CKAP5: variants seen among roughly 807,000 people sequenced by gnomAD.
CKAP5 encodes cytoskeleton associated protein 5.
In CKAP5, 27 loss-of-function variants were observed where a neutral mutation model predicts 232.8. The observed-to-expected ratio is 0.12, with a 90% confidence interval of 0.09 to 0.16. The LOEUF (loss-of-function observed/expected upper bound fraction) is 0.16, where lower values mean the gene tolerates loss of function less well. Ranked by LOEUF, CKAP5 falls within the 10% of genes least tolerant of loss-of-function variation. CKAP5 has a pLI of 1.00. For synonymous variants in CKAP5, 785 were observed against 841.1 expected, an observed-to-expected ratio of 0.93 and a Z score of 1.16; for missense variants, 1,838 against 2,424.7, an observed-to-expected ratio of 0.76 and a Z score of 5.08.
intron 26 of CKAP5, among the ~76,000 whole-genome samples, chr11:46,768,114 T>C (rs1002570786): frequency 3.3e-5 from 5 of 152,164 alleles, no homozygotes; most frequent in African/African-American, 1.2e-4. Flanking sequence ...TTTTTCCTAA[T>C]AATTTTTCTC....
intron 28 of CKAP5, 89 bp from the exon 29 acceptor site, chr11:46,763,719 A>G (rs1319422473): frequency 1.7e-5 from 13 of 779,240 alleles, no homozygotes; most frequent in Non-Finnish European, 2.4e-5. Flanking sequence ...CAGGAACAAT[A>G]AAATATTTAA....
intron 23 of CKAP5, among the ~76,000 whole-genome samples, chr11:46,776,739 T>G (rs1245764161): frequency 6.6e-6 from 1 of 152,178 alleles, no homozygotes; most frequent in African/African-American, 2.4e-5. Flanking sequence ...ATTCTAAATG[T>G]TAAAGACATC....
chr11:46,823,747 AG>A (rs1463645876), intron 1 of CKAP5, among the ~76,000 whole-genome samples: 1 of 152,082 alleles, frequency 6.6e-6, no homozygotes, highest in Non-Finnish European at 1.5e-5. Flanking sequence ...TAGCCTCCCA[AG>A]GAGCTGGGAC....
chr11:46,758,261 C>T (rs768565043), intron 35 of CKAP5, among the ~76,000 whole-genome samples: 9 of 152,124 alleles, frequency 5.9e-5, no homozygotes, highest in Non-Finnish European at 1.0e-4. Context: ...CATTTCTGCC[C>T]TAAGGCCTTT....
intron 8 of CKAP5, among the ~76,000 whole-genome samples, chr11:46,806,164 A>G (rs923576698): frequency 3.3e-5 from 5 of 152,194 alleles, no homozygotes; most frequent in Non-Finnish European, 5.9e-5. Context: ...ATCTCTCAGA[A>G]ATCTATTGTC....
intron 33 of CKAP5, among the ~76,000 whole-genome samples, chr11:46,760,113 T>A (rs2065142391): frequency 1.3e-5 from 2 of 152,218 alleles, no homozygotes; most frequent in Admixed American, 1.3e-4. Flanking sequence ...TTAATTAGCC[T>A]TATCTCAAGA....
At position 46,770,882 on chromosome 11, in the gene CKAP5, T is replaced by G. The variant is rs770640343; in HGVS notation, c.3092A>C (p.Asn1031Thr). 6.2e-7 allele frequency: 1 copy of G among 1,614,180 alleles called. No homozygotes were observed. Among genetic ancestry groups the G allele is most frequent in the Non-Finnish European group, 8.5e-7 (1 of 1,180,016 alleles). The change falls in exon 25 of 44, where the codon AAT becomes ACT. Residue 1031 changes from asparagine to threonine, a missense_variant. Around this residue, in one of 6 missense-constraint regions of CKAP5, gnomAD observed 767 missense variants for 954.6 expected, o/e 0.80. Coordinates refer to ENST00000529230, the MANE Select transcript of CKAP5 (RefSeq NM_001008938.4). Reference protein sequence around the residue: ...PHLYSCLEDRNGDVRKKAQDA... With the variant: ...PHLYSCLEDRTGDVRKKAQDA... ...TTGGGCCTTCTTTCGCACATCTCCA[T>G]TTCGATCTTCTAGGCAGGAGTAGAG...
chr11:46,845,519 G>C (rs578153804), intron 1 of CKAP5, among the ~76,000 whole-genome samples: 2 of 152,320 alleles, frequency 1.3e-5, no homozygotes, highest in East Asian at 1.9e-4. Flanking sequence ...ATTACAAGTA[G>C]AGGGGAGAGC....
intron 35 of CKAP5, among the ~76,000 whole-genome samples, chr11:46,757,692 A>G (rs1170381523): frequency 6.6e-6 from 1 of 151,414 alleles, no homozygotes; most frequent in African/African-American, 2.4e-5. Flanking sequence ...GGTTAAAGTG[A>G]TTCTCCTGCC....
intron 35 of CKAP5, among the ~76,000 whole-genome samples, chr11:46,757,646 G>A (rs1489032099): frequency 6.6e-6 from 1 of 151,986 alleles, no homozygotes; most frequent in Non-Finnish European, 1.5e-5. Flanking sequence ...GGGGTACACT[G>A]GCACGATTTC....
At position 46,833,682 on chromosome 11, in the gene CKAP5, C is replaced by T. The variant is rs543569567; in HGVS notation, c.-37-12414G>A. Among the ~76,000 whole-genome samples the T allele has an allele frequency of 2.8e-3, 416 of 151,156 alleles. 2 individuals carry two copies. The highest frequency in any genetic ancestry group is 9.6e-3 in the African/African-American group (395 of 41,208). On this transcript the variant is annotated intron_variant, in intron 1 of 43. Transcript: ENST00000529230. ...TTAGTAAAGATGGGGTTTCACCGTG[C>T]TAGCCAGGATGGGCTTAATCTCCTG...
In CKAP5 at chr11:46,811,562, T is replaced by G. The variant is rs533981952; in HGVS notation, c.459-384A>C. 1.3e-5 allele frequency among the ~76,000 whole-genome samples: 2 copies of G among 152,298 alleles called. 1 individual carries two copies. The highest frequency in any genetic ancestry group is 4.1e-4 in the South Asian group (2 of 4,828). On this transcript the variant is annotated intron_variant, in intron 4 of 43. Transcript: ENST00000529230. Reference sequence around the variant, plus strand: ...CATGATTGCAGCTCACTGCAACCTCTGCCTCCTGAGTTCAGGTGATTCTCC... The same window carrying G: ...CATGATTGCAGCTCACTGCAACCTCGGCCTCCTGAGTTCAGGTGATTCTCC...
rs2134588728 is a variant in CKAP5 at position 46,760,715 on chromosome 11, G to A, written c.4291C>T (p.Pro1431Ser). ...GGTTTCTCTTCCACCTGTTTTATTG[G>A]TGCAGCAGAGGGTCTCTTTGCTGAC... ...KRSAKRPSAA[P>S]IKQVEEKPQR... Residue 1431 changes from proline (P) to serine (S), a missense_variant, in exon 33 of 44, where the codon CCA (proline) becomes TCA (serine). By Grantham distance (74) the Pro-to-Ser change is moderately conservative. Transcript: ENST00000529230. 8.7e-6 allele frequency: 14 copies of A among 1,614,184 alleles called. No individual in the cohort carries two copies. The highest frequency in any genetic ancestry group is 2.2e-5 in the East Asian group (1 of 44,888).
At chr11:46,827,263 C>T (rs1394562252) in intron 1 of CKAP5, among the ~76,000 whole-genome samples, 2 of 152,134 alleles carry the variant, frequency 1.3e-5, no homozygotes, top group Admixed American at 1.3e-4. Flanking sequence ...ACTTCATTAA[C>T]CTCCTTTGGA....
intron 18 of CKAP5, among the ~76,000 whole-genome samples, 168 bp from the exon 19 acceptor site, chr11:46,780,653 C>G (rs896536718): frequency 1.3e-5 from 2 of 152,212 alleles, no homozygotes; most frequent in Admixed American, 6.5e-5. Flanking sequence ...GAGTCTTGCT[C>G]TGTCACCTAG....
At position 46,801,121 on chromosome 11, in the gene CKAP5, T is replaced by C. The variant is rs1169586652; in HGVS notation, c.1083+79A>G. The C allele has an allele frequency of 1.1e-5, 11 of 984,352 alleles. No homozygotes were observed. In the Admixed American group the frequency reaches 1.9e-4, roughly 17 times the overall value. The allele number at this position is 984,352 out of a possible 1,614,324, so 61.0% of individuals were successfully genotyped here. ...TATACACATCTATGCCAAGGAGTTG[T>C]TTTAAAGCAAACAGCAAACTAGGCC... On this transcript the variant is annotated intron_variant, in intron 9 of 43. Transcript: ENST00000529230.
intron 42 of CKAP5, among the ~76,000 whole-genome samples, chr11:46,747,784 G>A (rs575750149): frequency 6.6e-6 from 1 of 152,070 alleles, no homozygotes; most frequent in Non-Finnish European, 1.5e-5. Context: ...GGGAGGCCAG[G>A]CGTGGTGGCT....
chr11:46,801,467 T>C (rs1187156595), intron 8 of CKAP5, among the ~76,000 whole-genome samples, 163 bp from the exon 9 acceptor site: 2 of 152,110 alleles, frequency 1.3e-5, no homozygotes, highest in Non-Finnish European at 2.9e-5. Flanking sequence ...GTCAGGAGTT[T>C]GAGATCAGCC....
Position 46,770,798 on chromosome 11 carries a change from C to G in CKAP5, c.3176G>C (p.Gly1059Ala), listed in dbSNP as rs900936993. The G allele has an allele frequency of 2.3e-5, 37 of 1,613,560 alleles. No homozygotes were observed. The highest frequency in any genetic ancestry group is 3.1e-5 in the Non-Finnish European group (37 of 1,179,882). ...AACAAGAAGTAGTACCTTTAGTTTC[C>G]CAGTAGCCTTGGCCATTTTTTCATA... Reference protein sequence around the residue: ...LGYEKMAKATGKLKPTSKDQV... With the variant: ...LGYEKMAKATAKLKPTSKDQV... Residue 1059 changes from glycine to alanine, a missense_variant, in exon 25 of 44, where the codon GGG becomes GCG. This residue lies in a region of CKAP5 where 767 missense variants were observed against 954.6 expected (regional missense o/e 0.80). Transcript: ENST00000529230.
Sources: gnomAD v4.1 joint callset for allele counts (sites outside exome capture counted in the v4.1 genomes callset) on GRCh38, gnomAD v4.1.1 for gene constraint, gnomAD v4.1.1 regional missense constraint, MANE v1.5 for transcripts, NCBI Gene and HGNC (gene_info 2026-07-23, HGNC 2026-07-21) for gene names.